Variants in PARD3B observed in about 807,000 individuals in gnomAD.
PARD3B encodes partitioning defective 3 homolog B.
A neutral mutation model predicts 130.2 loss-of-function variants in PARD3B; 103 were observed. The observed-to-expected ratio is 0.79, with a 90% CI of 0.67 to 0.93. The LOEUF (loss-of-function observed/expected upper bound fraction) is 0.93. Ranked by LOEUF, PARD3B falls within the 40% of genes least tolerant of loss-of-function variation. The probability of loss-of-function intolerance (pLI) is 0.00; values close to 1 mark genes in which losing one functional copy is unlikely to be tolerated. For missense variants in PARD3B, 1,609 were observed against 1,499.2 expected, an observed-to-expected ratio of 1.07 and a Z score of -1.21; for synonymous variants, 583 against 553.2, an observed-to-expected ratio of 1.05 and a Z score of -0.76.
intron 1 of PARD3B, among the ~76,000 whole-genome samples, chr2:204,585,533 A>G (rs1169217738): frequency 6.7e-6 from 1 of 148,396 alleles, no homozygotes; most frequent in Non-Finnish European, 1.5e-5. Context: ...TTGTGGAGAC[A>G]GGGTTCAGCT....
chr2:205,303,931 C>T (rs1049566793), intron 18 of PARD3B, among the ~76,000 whole-genome samples: 1 of 152,156 alleles, frequency 6.6e-6, no homozygotes, highest in African/African-American at 2.4e-5. Flanking sequence ...ATCAATTGAT[C>T]ACTATACTTC....
intron 4 of PARD3B, among the ~76,000 whole-genome samples, chr2:205,059,518 A>T (rs1345787388): frequency 6.6e-6 from 1 of 151,866 alleles, no homozygotes; most frequent in Non-Finnish European, 1.5e-5. Context: ...ACTGATCCTT[A>T]TCCACACCCT....
At chr2:205,298,912 T>C (rs1468414691) in intron 16 of PARD3B, among the ~76,000 whole-genome samples, 1 of 152,186 alleles carries the variant, frequency 6.6e-6, no homozygotes, top group Admixed American at 6.5e-5. Context: ...GGATGCTTAT[T>C]AAGTGTTTAA....
intron 2 of PARD3B, among the ~76,000 whole-genome samples, chr2:204,859,679 T>C (rs1470791682): frequency 1.3e-5 from 2 of 152,048 alleles, no homozygotes; most frequent in Non-Finnish European, 2.9e-5. Context: ...ATCCTAGGAG[T>C]TTTGATGACT....
chr2:205,571,310 A>T (rs1480783830), intron 22 of PARD3B, among the ~76,000 whole-genome samples: 1 of 152,136 alleles, frequency 6.6e-6, no homozygotes, highest in Non-Finnish European at 1.5e-5. Flanking sequence ...TGCATGTGAA[A>T]TTTTTTTTAC....
rs909222418 is a variant in PARD3B at position 205,280,252 on chromosome 2, A to G, written c.2186-20278A>G. On this transcript the variant is annotated intron_variant, in intron 16 of 22. Coordinates refer to ENST00000406610, the MANE Select transcript of PARD3B (RefSeq NM_001302769.2). The surrounding 1 kb of genome is among the most constrained non-coding windows in gnomAD (Gnocchi z 4.7). ...AACAGAAAAATAACATTAACAGGTT[A>G]TTAAACTGTTTGTCACCAAAGAAAA... Among the ~76,000 whole-genome samples, 2 of 152,190 alleles carry G rather than the reference A, an allele frequency of 1.3e-5. No homozygotes were observed. The highest frequency in any genetic ancestry group is 4.8e-5 in the African/African-American group (2 of 41,450).
In PARD3B at chr2:205,564,327, A is replaced by T. The variant is rs942341192; in HGVS notation, c.3260+10924A>T. On this transcript the variant is annotated intron_variant, in intron 22 of 22. Transcript: ENST00000406610. This position sits in a 1 kb window ranked among gnomAD's most constrained non-coding sequence, Gnocchi z 4.6. ...TATTAAAATGAGCATTTCAATGGAT[A>T]AACCCCTTATAGGCTTTCAGAATGA... Among the ~76,000 whole-genome samples the T allele has an allele frequency of 5.3e-5, 8 of 152,206 alleles. No individual in the cohort carries two copies. Among genetic ancestry groups the T allele is most frequent in the Non-Finnish European group, 1.2e-4 (8 of 68,046 alleles).
At position 204,873,076 on chromosome 2, in the gene PARD3B, G is replaced by T. The variant is rs73982593; in HGVS notation, c.223-92076G>T. On this transcript the variant is annotated intron_variant, in intron 2 of 22. Coordinates refer to ENST00000406610, the MANE Select transcript of PARD3B (RefSeq NM_001302769.2). ...AAGATAAAGATAATTATAATGTAAT[G>T]ATTATAAAATAACTAGTAGATAATT... Among the ~76,000 whole-genome samples, 1,244 of 152,238 alleles carry T rather than the reference G, an allele frequency of 8.2e-3. 10 individuals are homozygous for T. The highest frequency in any genetic ancestry group is 0.028 in the African/African-American group (1,147 of 41,542).
At chr2:205,030,857 G>A (rs550676729) in intron 3 of PARD3B, among the ~76,000 whole-genome samples, 1 of 152,216 alleles carries the variant, frequency 6.6e-6, no homozygotes, top group Non-Finnish European at 1.5e-5. Context: ...CCTGTCCAGA[G>A]GGGGGTCTGT....
At chr2:205,025,459 G>T (rs1696945093) in intron 3 of PARD3B, among the ~76,000 whole-genome samples, 1 of 152,154 alleles carries the variant, frequency 6.6e-6, no homozygotes, top group Non-Finnish European at 1.5e-5. Context: ...TATCTTGGAG[G>T]AATTGTCTCT....
At chr2:204,713,724 G>A (rs2038577584) in intron 2 of PARD3B, among the ~76,000 whole-genome samples, 1 of 152,134 alleles carries the variant, frequency 6.6e-6, no homozygotes, top group African/African-American at 2.4e-5. Flanking sequence ...TGTAGCATGT[G>A]CCAGGATTCT....
chr2:204,991,233 C>A (rs559690345), intron 3 of PARD3B, among the ~76,000 whole-genome samples: 5 of 146,422 alleles, frequency 3.4e-5, no homozygotes, highest in African/African-American at 1.0e-4. Flanking sequence ...CCCCTCCCCC[C>A]AACCCACCAC....
chr2:204,616,522 C>T (rs1044611713), intron 1 of PARD3B, among the ~76,000 whole-genome samples: 5 of 152,094 alleles, frequency 3.3e-5, no homozygotes, highest in Admixed American at 6.6e-5. Flanking sequence ...CTGGTGGGAA[C>T]GCAAAATGAA....
chr2:205,057,598 CAT>C (rs1257443944), intron 4 of PARD3B, among the ~76,000 whole-genome samples: 5 of 37,630 alleles, frequency 1.3e-4, no homozygotes, highest in African/African-American at 5.0e-4. Context: ...CGTATATATA[CAT>C]ATATGTGTAT....
intron 20 of PARD3B, among the ~76,000 whole-genome samples, chr2:205,478,374 T>G (rs1022576027): frequency 6.6e-6 from 1 of 152,232 alleles, no homozygotes; most frequent in African/African-American, 2.4e-5. Context: ...AAATGTAGGT[T>G]GTTGAATTTT....
At chr2:204,714,853 G>T (rs1310020031) in intron 2 of PARD3B, among the ~76,000 whole-genome samples, 1 of 152,076 alleles carries the variant, frequency 6.6e-6, no homozygotes, top group Non-Finnish European at 1.5e-5. Flanking sequence ...TTTCCAATTT[G>T]ACAATATGTT....
rs1024778524 is a variant in PARD3B, at chr2:205,185,866, A to G, written c.2024+3A>G. 6.2e-7 allele frequency: 1 copy of G among 1,607,552 alleles called. No homozygotes were observed. The highest frequency in any genetic ancestry group is 8.5e-7 in the Non-Finnish European group (1 of 1,174,084). ...GGCCTCGAAGATTACAGCCACAGGT[A>G]TTGATAAAATGATGTATCGTAAATG... On this transcript the variant is annotated splice_donor_region_variant and intron_variant, in intron 14 of 22. Transcript: ENST00000406610.
At chr2:204,636,487 TG>T (rs1559198499) in intron 1 of PARD3B, among the ~76,000 whole-genome samples, 1 of 151,376 alleles carries the variant, frequency 6.6e-6, no homozygotes, top group East Asian at 1.9e-4. Flanking sequence ...TGTGTGTGTG[TG>T]TGCAGTTATT....
intron 2 of PARD3B, among the ~76,000 whole-genome samples, chr2:204,773,398 AT>A (rs928409410): frequency 4.6e-4 from 67 of 146,140 alleles, no homozygotes; most frequent in South Asian, 1.1e-3. Context: ...ATATATATAT[AT>A]TTTTTTTCTT....
Sources: gnomAD v4.1 joint callset for allele counts (sites outside exome capture counted in the v4.1 genomes callset) on GRCh38, gnomAD v4.1.1 for gene constraint, Gnocchi (gnomAD v3.1) non-coding constraint, MANE v1.5 for transcripts, NCBI Gene and HGNC (gene_info 2026-07-23, HGNC 2026-07-21) for gene names.